Variants in XKR4 observed in about 807,000 individuals in gnomAD.
XKR4 encodes the protein XK-related protein 4.
XKR4 carries 12 observed loss-of-function variants against 53.9 expected under a neutral mutation model. That is an observed-to-expected ratio of 0.22 (90% confidence interval 0.14 to 0.36). XKR4 has a LOEUF of 0.36. XKR4 is among the 10% of genes least tolerant of loss of function. XKR4 has a pLI of 1.00. For synonymous variants in XKR4, 354 were observed against 362.4 expected (o/e 0.98, Z 0.26); for missense variants, 799 against 859.5 (o/e 0.93, Z 0.88).
chr8:55,169,114 A>G (rs1291222567), intron 1 of XKR4, among the ~76,000 whole-genome samples: 1 of 152,254 alleles, frequency 6.6e-6, no homozygotes, highest in Non-Finnish European at 1.5e-5. Context: ...GGTTTTTAAC[A>G]CGTGCCCTTT....
chr8:55,181,406 TTC>T (rs1324330260), intron 1 of XKR4, among the ~76,000 whole-genome samples: 1 of 152,178 alleles, frequency 6.6e-6, no homozygotes, highest in Non-Finnish European at 1.5e-5. Context: ...CACTCCTCCC[TTC>T]TCTCTTTTCT....
chr8:55,330,523 G>A (rs373943274), intron 1 of XKR4, among the ~76,000 whole-genome samples: 30 of 152,146 alleles, frequency 2.0e-4, no homozygotes, highest in African/African-American at 6.7e-4. Context: ...AAAATACATT[G>A]TTGTCCAGAG....
intron 1 of XKR4, among the ~76,000 whole-genome samples, chr8:55,276,436 C>A (rs11786269): frequency 1.3e-5 from 2 of 152,032 alleles, no homozygotes; most frequent in Admixed American, 6.6e-5. Flanking sequence ...ACAACAATAG[C>A]GATAACCACT....
intron 2 of XKR4, among the ~76,000 whole-genome samples, chr8:55,386,668 G>A (rs1171174317): frequency 6.6e-6 from 1 of 152,218 alleles, no homozygotes; most frequent in Non-Finnish European, 1.5e-5. Flanking sequence ...GTAGCGAAGA[G>A]GAGATAAGTC....
Position 55,288,134 on chromosome 8 carries a change from G to T in XKR4, c.807-69544G>T, listed in dbSNP as rs558112281. ...AATTCTTCTTCCAATGTGGCCCAGG[G>T]AAGCCAAAAGATTGGATACCCCTAG... On this transcript the variant is annotated intron_variant, in intron 1 of 2. Transcript: ENST00000327381. Among the ~76,000 whole-genome samples the T allele has an allele frequency of 3.3e-5, 5 of 152,278 alleles. No homozygotes were observed. The South Asian group carries it at 1.0e-3, about 32-fold the overall frequency.
At chr8:55,471,052 C>A (rs962991931) in intron 2 of XKR4, among the ~76,000 whole-genome samples, 1 of 152,114 alleles carries the variant, frequency 6.6e-6, no homozygotes, top group Non-Finnish European at 1.5e-5. Flanking sequence ...GTTGCACCAT[C>A]CAGTACAGTA....
chr8:55,390,033 C>T (rs955865061), intron 2 of XKR4, among the ~76,000 whole-genome samples: 18 of 152,006 alleles, frequency 1.2e-4, no homozygotes, highest in Admixed American at 2.0e-4. Flanking sequence ...GAAATGCTAA[C>T]GGGAAAAAAC....
chr8:55,246,206 C>G (rs1818284349), intron 1 of XKR4, among the ~76,000 whole-genome samples: 1 of 152,112 alleles, frequency 6.6e-6, no homozygotes, highest in African/African-American at 2.4e-5. Flanking sequence ...GTGTATACTG[C>G]TGAATTGAAG....
At chr8:55,124,319 C>CT (rs1267322045) in intron 1 of XKR4, among the ~76,000 whole-genome samples, 1 of 152,224 alleles carries the variant, frequency 6.6e-6, no homozygotes, top group African/African-American at 2.4e-5. Flanking sequence ...TAGAGCAAAA[C>CT]TACATTCCTT....
intron 2 of XKR4, among the ~76,000 whole-genome samples, chr8:55,385,160 ACAT>A (rs895153378): frequency 1.3e-5 from 2 of 152,208 alleles, no homozygotes; most frequent in African/African-American, 4.8e-5. Context: ...GTCATTGACA[ACAT>A]CATATGCTGG....
chr8:55,401,774 C>T (rs1351319335), intron 2 of XKR4, among the ~76,000 whole-genome samples: 1 of 152,104 alleles, frequency 6.6e-6, no homozygotes, highest in East Asian at 1.9e-4. Context: ...CTGAAGGACC[C>T]GAAAAGGCCT....
chr8:55,329,227 G>C lies in XKR4; in HGVS notation c.807-28451G>C, dbSNP rs760572911. 1.0e-3 allele frequency among the ~76,000 whole-genome samples: 159 copies of C among 152,252 alleles called. 2 individuals carry two copies. Among genetic ancestry groups the C allele is most frequent in the Non-Finnish European group, 1.5e-3 (103 of 68,016 alleles). On this transcript the variant is annotated intron_variant, in intron 1 of 2. Transcript: ENST00000327381. ...TGAAGAAAAATAGAATGAGGAAAAA[G>C]TTGAGAAAAAGGGAGACTACAGTTC...
rs1224109048 is a variant in XKR4, at chr8:55,529,125, A to C, written c.*4898A>C. 2.0e-5 allele frequency: 3 copies of C among 151,622 alleles called. No individual in the cohort carries two copies. The highest frequency in any genetic ancestry group is 4.4e-5 in the Non-Finnish European group (3 of 67,976). The allele number at this position is 151,622 out of a possible 1,614,324, so 9.4% of individuals were successfully genotyped here. ...CTGCAGAATATGGGTGGAATTGTATAAAAACATAATGAGCCATTTAATTTT... is the reference window on the plus strand; with the variant it reads ...CTGCAGAATATGGGTGGAATTGTATCAAAACATAATGAGCCATTTAATTTT... On this transcript the variant is annotated 3_prime_UTR_variant, in exon 3 of 3. Coordinates refer to ENST00000327381, the MANE Select transcript of XKR4 (RefSeq NM_052898.2).
chr8:55,331,094 T>A (rs1372246743), intron 1 of XKR4, among the ~76,000 whole-genome samples: 24 of 152,178 alleles, frequency 1.6e-4, no homozygotes, highest in Non-Finnish European at 1.2e-4. Flanking sequence ...CACCCCAAAC[T>A]GAAACTGTAC....
At chr8:55,330,358 A>C (rs1803365550) in intron 1 of XKR4, among the ~76,000 whole-genome samples, 1 of 152,186 alleles carries the variant, frequency 6.6e-6, no homozygotes, top group Non-Finnish European at 1.5e-5. Flanking sequence ...AAATAAAATT[A>C]TCTCTACCCC....
chr8:55,328,760 A>G (rs1803332945), intron 1 of XKR4, among the ~76,000 whole-genome samples: 1 of 152,136 alleles, frequency 6.6e-6, no homozygotes, highest in Non-Finnish European at 1.5e-5. Flanking sequence ...TTGTGCTTGC[A>G]CTGCCTGCAG....
chr8:55,269,675 A>C (rs1585978333), intron 1 of XKR4, among the ~76,000 whole-genome samples: 1 of 152,136 alleles, frequency 6.6e-6, no homozygotes, highest in East Asian at 1.9e-4. Context: ...GCCTTCCTTA[A>C]AAAGTTAGCA....
intron 2 of XKR4, among the ~76,000 whole-genome samples, chr8:55,491,962 T>C (rs16921858): frequency 0.054 from 8,244 of 152,252 alleles, 611 homozygotes; most frequent in East Asian, 0.27. Flanking sequence ...TCTGGAACTT[T>C]CTCTTTGCAC....
rs1316103806 is a variant in XKR4, at chr8:55,183,279, C to CT, written c.806+79991dup. Among the ~76,000 whole-genome samples, 13 of 150,936 alleles carry CT rather than the reference C, an allele frequency of 8.6e-5. 1 individual carries two copies. Among genetic ancestry groups the CT allele is most frequent in the Admixed American group, 8.6e-4 (13 of 15,102 alleles). Reference sequence around the variant, plus strand: ...CTGCTTGCTTTGGATTGGAATTGATCTTTTTTCCTCTGGTTTCCTATGGTA... The same window carrying CT: ...CTGCTTGCTTTGGATTGGAATTGATCTTTTTTTCCTCTGGTTTCCTATGGTA... On this transcript the variant is annotated intron_variant, in intron 1 of 2. Coordinates refer to ENST00000327381, the MANE Select transcript of XKR4 (RefSeq NM_052898.2).
Sources: gnomAD v4.1 joint callset for allele counts (sites outside exome capture counted in the v4.1 genomes callset) on GRCh38, gnomAD v4.1.1 for gene constraint, MANE v1.5 for transcripts, NCBI Gene and HGNC (gene_info 2026-07-23, HGNC 2026-07-21) for gene names.